MGRN1: variants seen among roughly 807,000 people sequenced by gnomAD.
MGRN1 encodes the protein E3 ubiquitin-protein ligase MGRN1.
MGRN1 carries 29 observed loss-of-function variants against 69.2 expected under a neutral mutation model. That is an observed-to-expected ratio of 0.42 (90% CI 0.31 to 0.57). MGRN1 has a LOEUF of 0.57. Ranked by LOEUF, MGRN1 falls within the 20% of genes least tolerant of loss-of-function variation. MGRN1 has a pLI of 0.15. For synonymous variants in MGRN1, 470 were observed against 344.2 expected (o/e 1.37, Z -4.04); for missense variants, 998 against 796.2 (o/e 1.25, Z -3.05).
intron 5 of MGRN1, among the ~76,000 whole-genome samples, chr16:4,663,469 C>T (rs932956351): frequency 5.5e-5 from 8 of 144,466 alleles, no homozygotes; most frequent in African/African-American, 1.5e-4. Flanking sequence ...TTTTAGAATG[C>T]TCACAGTGGC....
rs756401270 is a variant in MGRN1 at position 4,652,070 on chromosome 16, TG to T, written c.296+23del. 6.2e-7 allele frequency: 1 copy of T among 1,609,946 alleles called. No individual in the cohort carries two copies. The highest frequency in any genetic ancestry group is 1.1e-5 in the South Asian group (1 of 90,972). ...TGGTGAGGTAACTTCACCCTGCCCC[TG>T]GGGACCCTGTGGCTCTGTGGGGCGC... On this transcript the variant is annotated intron_variant, in intron 3 of 16. Transcript: ENST00000262370.
intron 5 of MGRN1, chr16:4,664,056 G>C (rs1443332751): frequency 6.6e-6 from 1 of 152,624 alleles, no homozygotes; most frequent in Non-Finnish European, 1.5e-5. Flanking sequence ...CTGAAAACGC[G>C]GTTCAGGCAG....
intron 8 of MGRN1, 76 bp from the exon 9 acceptor site, chr16:4,671,315 G>C (rs1444452633): frequency 6.9e-7 from 1 of 1,445,460 alleles, no homozygotes; most frequent in Non-Finnish European, 9.7e-7. Flanking sequence ...TGGAGGCAGG[G>C]CTAGGCCAGG....
chr16:4,624,865 G>T lies in MGRN1; in HGVS notation c.-96G>T, dbSNP rs1897584513. ...CCTCCGCGGCCGTGGACGAGCGTCC[G>T]TGCGGCCTGGTCCGGGCCATGTCCG... On this transcript the variant is annotated 5_prime_UTR_variant, in exon 1 of 17. Coordinates refer to ENST00000262370, the MANE Select transcript of MGRN1 (RefSeq NM_015246.4). 8 of 1,060,380 alleles carry T rather than the reference G, an allele frequency of 7.5e-6. No individual in the cohort carries two copies. The highest frequency in any genetic ancestry group is 1.7e-5 in the African/African-American group (1 of 59,932). The allele number at this position is 1,060,380 out of a possible 1,614,324, so 65.7% of individuals were successfully genotyped here. A position where few individuals can be genotyped will look rare whatever the true frequency, so the allele number is the denominator to read the frequency against.
intron 10 of MGRN1, chr16:4,677,259 C>T (rs1567229333): frequency 4.5e-6 from 2 of 449,262 alleles, no homozygotes; most frequent in Non-Finnish European, 7.9e-6. Context: ...GGAGCTGCTT[C>T]TTTCTTTCTT....
chr16:4,687,966 C>T (rs760671025), intron 16 of MGRN1: 34 of 985,578 alleles, frequency 3.4e-5, no homozygotes, highest in Middle Eastern at 5.2e-4. Flanking sequence ...GCCTGCGCAT[C>T]GGTGGAAGGT....
Position 4,649,905 on chromosome 16 carries a change from C to T in MGRN1, c.89-460C>T, listed in dbSNP as rs533717306. 1.4e-3 allele frequency: 223 copies of T among 157,822 alleles called. 8 individuals carry two copies. In the South Asian group the frequency reaches 0.034, roughly 24 times the overall value. 9.8% of individuals were successfully genotyped at this position (157,822 alleles called of 1,614,324 possible). On this transcript the variant is annotated intron_variant, in intron 1 of 16. Coordinates refer to ENST00000262370, the MANE Select transcript of MGRN1 (RefSeq NM_015246.4). The stretch of plus-strand genomic sequence containing the variant: ...CGAGGCAGAGGGTATGAGGGGCACC[C>T]GCTGGCCTGTCTGCATCAGCTCCCC...
chr16:4,683,194 C>G, intron 14 of MGRN1, 30 bp from the exon 15 acceptor site: 1 of 1,612,554 alleles, frequency 6.2e-7, no homozygotes, highest in Non-Finnish European at 8.5e-7. Context: ...GCTCTCTGAG[C>G]TCTAGGCTAC....
intron 1 of MGRN1, among the ~76,000 whole-genome samples, chr16:4,646,112 G>T (rs1223598978): frequency 6.6e-6 from 1 of 152,032 alleles, no homozygotes; most frequent in Non-Finnish European, 1.5e-5. Flanking sequence ...TCCGTCGGGG[G>T]GCTCTGGCTC....
At chr16:4,661,072 C>T (rs1194558873) in intron 5 of MGRN1, among the ~76,000 whole-genome samples, 1 of 152,126 alleles carries the variant, frequency 6.6e-6, no homozygotes, top group African/African-American at 2.4e-5. Flanking sequence ...GCCTCGAACT[C>T]CTGGGTTAAG....
At chr16:4,638,806 C>T (rs1355551100) in intron 1 of MGRN1, among the ~76,000 whole-genome samples, 2 of 152,218 alleles carry the variant, frequency 1.3e-5, no homozygotes, top group Non-Finnish European at 2.9e-5. Flanking sequence ...TTCGGAGCCC[C>T]TGCAGACACC....
At chr16:4,665,636 TGG>T (rs993694432) in intron 7 of MGRN1, among the ~76,000 whole-genome samples, 92 of 151,180 alleles carry the variant, frequency 6.1e-4, no homozygotes, top group African/African-American at 2.2e-3. Flanking sequence ...CCCAGAGTGT[TGG>T]GAGTACAGGC....
intron 1 of MGRN1, among the ~76,000 whole-genome samples, chr16:4,647,879 G>A (rs1167583534): frequency 2.0e-5 from 3 of 152,156 alleles, no homozygotes. Flanking sequence ...GCAGTCAGCA[G>A]CCATGCTGGG....
At chr16:4,645,343 AT>A (rs1378729255) in intron 1 of MGRN1, among the ~76,000 whole-genome samples, 1 of 151,934 alleles carries the variant, frequency 6.6e-6, no homozygotes, top group African/African-American at 2.4e-5. Context: ...ATTTTTAAGA[AT>A]TTTTTGTAGA....
rs780012753 is a variant in MGRN1, at chr16:4,665,089, C to G, written c.629-13C>G. The G allele has an allele frequency of 1.9e-6, 3 of 1,614,112 alleles. No homozygotes were observed. The highest frequency in any genetic ancestry group is 4.5e-5 in the East Asian group (2 of 44,896). On this transcript the variant is annotated splice_polypyrimidine_tract_variant and intron_variant, in intron 6 of 16. Transcript: ENST00000262370. ...CCCCGACTCTGACTACTCTGCCCCT[C>G]TCTCCCCAGCAGTGGTGGAAGTGAC...
chr16:4,652,073 G>GGA (rs1340404539), intron 3 of MGRN1, 22 bp downstream of exon 3: 1 of 1,610,524 alleles, frequency 6.2e-7, no homozygotes, highest in African/African-American at 1.3e-5. Flanking sequence ...CTGCCCCTGG[G>GGA]GACCCTGTGG....
At chr16:4,666,733 C>G (rs1315976389) in intron 7 of MGRN1, among the ~76,000 whole-genome samples, 1 of 152,212 alleles carries the variant, frequency 6.6e-6, no homozygotes, top group African/African-American at 2.4e-5. Context: ...ACCCTGCAGG[C>G]TGGGCAGGCC....
In MGRN1 at chr16:4,677,547, A is replaced by G; in HGVS notation, c.1040A>G (p.Gln347Arg). The part of the protein sequence containing the change: ...SPVSFSPVLA[Q>R]SLEHDEHSCP... ...GTGTCCTTCAGCCCCGTCCTGGCCC[A>G]GAGCCTGGAGCATGATGAGCACTCT... The change falls in exon 11 of 17, where the codon CAG becomes CGG. Residue 347 changes from glutamine (Q) to arginine (R), a missense_variant. Physicochemically the swap from Gln to Arg is conservative, Grantham distance 43. Transcript: ENST00000262370. The G allele has an allele frequency of 6.3e-7, 1 of 1,599,986 alleles. No individual in the cohort carries two copies.
At chr16:4,674,437 C>A (rs897053976) in intron 10 of MGRN1, among the ~76,000 whole-genome samples, 4 of 151,406 alleles carry the variant, frequency 2.6e-5, no homozygotes, top group Non-Finnish European at 5.9e-5. Flanking sequence ...TACAGCCCTG[C>A]ACCACCATGC....
Sources: allele counts gnomAD v4.1 joint callset (sites outside exome capture counted in the v4.1 genomes callset), GRCh38; gene constraint gnomAD v4.1.1; transcripts MANE v1.5; gene names NCBI Gene and HGNC (gene_info 2026-07-23, HGNC 2026-07-21).